Variants in ADAMTS12 observed in about 807,000 individuals in gnomAD.
The protein encoded by ADAMTS12 is ADAM metallopeptidase with thrombospondin type 1 motif 12, also known as A disintegrin and metalloproteinase with thrombospondin motifs 12.
A neutral mutation model predicts 167.8 loss-of-function variants in ADAMTS12; 118 were observed. That is an observed-to-expected ratio of 0.70 (90% CI 0.61 to 0.82). The LOEUF (loss-of-function observed/expected upper bound fraction) is 0.82, where lower values mean the gene tolerates loss of function less well. ADAMTS12 is among the 40% of genes least tolerant of loss of function. The pLI is 0.00. For missense variants in ADAMTS12, 1,916 were observed against 1,998.8 expected (o/e 0.96, Z 0.79); for synonymous variants, 704 against 716.9 (o/e 0.98, Z 0.29).
intron 18 of ADAMTS12, among the ~76,000 whole-genome samples, chr5:33,577,653 T>C (rs971582468): frequency 6.6e-6 from 1 of 152,174 alleles, no homozygotes; most frequent in Non-Finnish European, 1.5e-5. Flanking sequence ...CCAGGTACCT[T>C]AAGCTCCATT....
intron 2 of ADAMTS12, among the ~76,000 whole-genome samples, chr5:33,770,726 C>T (rs1745705098): frequency 6.6e-6 from 1 of 151,906 alleles, no homozygotes; most frequent in South Asian, 2.1e-4. Flanking sequence ...CCTTCCCTGA[C>T]CACACAACCA....
chr5:33,790,555 CAAAAAAA>C lies in ADAMTS12; in HGVS notation c.490-39014_490-39008del, dbSNP rs35691545. Among the ~76,000 whole-genome samples, 35 of 104,822 alleles carry C rather than the reference CAAAAAAA, an allele frequency of 3.3e-4. No individual in the cohort carries two copies. In the South Asian group the frequency reaches 7.9e-3, roughly 24 times the overall value. 68.8% of individuals were successfully genotyped at this position (104,822 alleles called of 152,430 possible). A position where few individuals can be genotyped will look rare whatever the true frequency, so the allele number is the denominator to read the frequency against. ...TGGGTGACAGAGCAAGACTCCATCT[CAAAAAAA>C]AAAAAAAAAGAAAAAAGAAAAAAGA... On this transcript the variant is annotated intron_variant, in intron 2 of 23. Coordinates refer to ENST00000504830, the MANE Select transcript of ADAMTS12 (RefSeq NM_030955.4).
At chr5:33,689,069 T>C (rs1037451880) in intron 3 of ADAMTS12, among the ~76,000 whole-genome samples, 2 of 152,182 alleles carry the variant, frequency 1.3e-5, no homozygotes, top group Non-Finnish European at 2.9e-5. Context: ...TTCTGAAACA[T>C]GACACCTGGG....
intron 2 of ADAMTS12, among the ~76,000 whole-genome samples, chr5:33,823,147 C>G (rs1747925829): frequency 6.6e-6 from 1 of 151,852 alleles, no homozygotes. Context: ...ACAAAGCCCT[C>G]CTTTGGACTG....
intron 2 of ADAMTS12, among the ~76,000 whole-genome samples, chr5:33,846,836 A>G (rs1295862039): frequency 6.6e-6 from 1 of 152,222 alleles, no homozygotes; most frequent in Non-Finnish European, 1.5e-5. Flanking sequence ...ATGAGTCCTA[A>G]AAAGATAAAA....
chr5:33,659,996 T>C (rs912982688), intron 6 of ADAMTS12, among the ~76,000 whole-genome samples: 16 of 152,230 alleles, frequency 1.1e-4, no homozygotes, highest in African/African-American at 3.9e-4. Context: ...AGAGTGCTAC[T>C]GACATCTCAT....
At chr5:33,687,208 G>C (rs1742366370) in intron 3 of ADAMTS12, among the ~76,000 whole-genome samples, 1 of 151,946 alleles carries the variant, frequency 6.6e-6, no homozygotes, top group African/African-American at 2.4e-5. Flanking sequence ...GATGAGGTCT[G>C]CTAAAGGCAT....
At chr5:33,717,753 A>G (rs1024534292) in intron 3 of ADAMTS12, among the ~76,000 whole-genome samples, 1 of 152,234 alleles carries the variant, frequency 6.6e-6, no homozygotes, top group African/African-American at 2.4e-5. Context: ...AATTAAAACT[A>G]TGATAAGCCC....
chr5:33,525,216 C>T lies in ADAMTS12; in HGVS notation c.*1972G>A, dbSNP rs27405. 0.43 allele frequency: 65,890 copies of T among 152,046 alleles called. 15,064 individuals carry two copies. The highest frequency in any genetic ancestry group is 0.7 in the East Asian group (3,603 of 5,178). 9.4% of individuals were successfully genotyped at this position (152,046 alleles called of 1,614,324 possible). A position where few individuals can be genotyped will look rare whatever the true frequency, so the allele number is the denominator to read the frequency against. ...ACTAACAATTTAAGTGTCTCCTCTCCTCGAAAACCATTATTCACCAGAGAT... is the reference window on the plus strand; with the variant it reads ...ACTAACAATTTAAGTGTCTCCTCTCTTCGAAAACCATTATTCACCAGAGAT... On this transcript the variant is annotated 3_prime_UTR_variant, in exon 24 of 24. Coordinates refer to ENST00000504830, the MANE Select transcript of ADAMTS12 (RefSeq NM_030955.4).
At chr5:33,736,453 A>G (rs1744378666) in intron 3 of ADAMTS12, among the ~76,000 whole-genome samples, 1 of 152,198 alleles carries the variant, frequency 6.6e-6, no homozygotes, top group East Asian at 1.9e-4. Flanking sequence ...TATATTTATC[A>G]GGAGTGGTCC....
intron 14 of ADAMTS12, among the ~76,000 whole-genome samples, chr5:33,618,535 C>G (rs1334867444): frequency 6.6e-6 from 1 of 152,178 alleles, no homozygotes; most frequent in Non-Finnish European, 1.5e-5. Context: ...AATCAGAACC[C>G]TTCTGTTAGA....
chr5:33,697,542 A>G (rs1742826884), intron 3 of ADAMTS12, among the ~76,000 whole-genome samples: 1 of 150,238 alleles, frequency 6.7e-6, no homozygotes. Flanking sequence ...TTATTCTTTA[A>G]TTCACAGTAC....
intron 2 of ADAMTS12, among the ~76,000 whole-genome samples, chr5:33,807,475 G>A (rs917059003): frequency 2.0e-5 from 3 of 152,112 alleles, no homozygotes; most frequent in Admixed American, 6.5e-5. Flanking sequence ...TAATGTTAGC[G>A]CCTATATCAT....
In ADAMTS12 at chr5:33,630,967, C is replaced by G. The variant is rs879033633; in HGVS notation, c.1889-54G>C. 2.5e-6 allele frequency: 4 copies of G among 1,595,274 alleles called. No homozygotes were observed. In the South Asian group the frequency reaches 3.3e-5, roughly 13 times the overall value. ...GCAAATTAGCTTTTAGCTCAGCATC[C>G]TCCCCCAGGATTCCTCCGTACTTAG... is the stretch of plus-strand genomic sequence containing the variant. On this transcript the variant is annotated intron_variant, in intron 12 of 23. Transcript: ENST00000504830.
chr5:33,804,186 T>G (rs1358262766), intron 2 of ADAMTS12, among the ~76,000 whole-genome samples: 2 of 152,196 alleles, frequency 1.3e-5, no homozygotes, highest in African/African-American at 2.4e-5. Flanking sequence ...CAGGCCACAG[T>G]AGATTAAGTT....
chr5:33,813,716 G>C (rs764195237), intron 2 of ADAMTS12, among the ~76,000 whole-genome samples: 1 of 152,178 alleles, frequency 6.6e-6, no homozygotes, highest in Non-Finnish European at 1.5e-5. Flanking sequence ...GCTCCAGCTG[G>C]ATTCCCAAGT....
chr5:33,790,383 T>C (rs1746482305), intron 2 of ADAMTS12, among the ~76,000 whole-genome samples: 1 of 151,806 alleles, frequency 6.6e-6, no homozygotes, highest in African/African-American at 2.4e-5. Flanking sequence ...TGAAACCCCG[T>C]CTCTACTAAA....
intron 19 of ADAMTS12, among the ~76,000 whole-genome samples, chr5:33,568,094 A>C (rs1380128585): frequency 6.6e-6 from 1 of 152,218 alleles, no homozygotes; most frequent in Non-Finnish European, 1.5e-5. Context: ...CATGCTTGTA[A>C]AGCCTGATGC....
chr5:33,541,563 A>T (rs395298), intron 22 of ADAMTS12, among the ~76,000 whole-genome samples: 62,334 of 151,984 alleles, frequency 0.41, 13,796 homozygotes, highest in East Asian at 0.76. Context: ...TGAAGGAAAA[A>T]ATGTTAAGGG....
Sources: allele counts gnomAD v4.1 joint callset (sites outside exome capture counted in the v4.1 genomes callset), GRCh38; gene constraint gnomAD v4.1.1; transcripts MANE v1.5; gene names NCBI Gene and HGNC (gene_info 2026-07-23, HGNC 2026-07-21).